The following C11orf65 variants were observed in gnomAD, a reference collection of about 807,000 sequenced individuals.
C11orf65 encodes the protein protein MFI.
C11orf65 carries 38 observed loss-of-function variants against 35.3 expected under a neutral mutation model. The ratio of observed to expected loss-of-function variants is 1.08; its 90% CI spans 0.83 to 1.41. C11orf65 has a LOEUF of 1.41. C11orf65 is among the 40% of genes most tolerant of loss of function. The pLI, the probability that C11orf65 is intolerant of heterozygous loss-of-function variation, is 0.00. For missense variants in C11orf65, 370 were observed against 367.1 expected (o/e 1.01, Z -0.06); for synonymous variants, 105 against 114.4 (o/e 0.92, Z 0.53).
intron 3 of C11orf65, among the ~76,000 whole-genome samples, chr11:108,415,458 G>C (rs983972557): frequency 2.6e-5 from 4 of 152,136 alleles, no homozygotes; most frequent in Non-Finnish European, 4.4e-5. Flanking sequence ...AATCAAAGAA[G>C]ATTTAAATGA....
At chr11:108,443,783 C>T (rs902554275) in intron 2 of C11orf65, among the ~76,000 whole-genome samples, 1 of 152,100 alleles carries the variant, frequency 6.6e-6, no homozygotes, top group Non-Finnish European at 1.5e-5. Context: ...AGAACAAAGA[C>T]ACAACATACC....
At position 108,347,352 on chromosome 11, in the gene C11orf65, A is replaced by T. The variant is rs1377662728; in HGVS notation, c.227-12060T>A. On this transcript the variant is annotated intron_variant, in intron 2 of 3. Transcript: ENST00000524755. ...TAAATGAGCAGTCAGCAGAACTTGT[A>T]CATATAGATCTAGGTAAGTAATAAA... 6.2e-7 allele frequency: 1 copy of T among 1,601,508 alleles called. No individual in the cohort carries two copies. Among genetic ancestry groups the T allele is most frequent in the Non-Finnish European group, 8.6e-7 (1 of 1,168,860 alleles).
At position 108,321,339 on chromosome 11, in the gene C11orf65, A is replaced by G. The variant is rs1591107186; in HGVS notation, c.641-12268T>C. On this transcript the variant is annotated intron_variant, in intron 6 of 6. Transcript: ENST00000525729. ...GAAGAGATGTGTAAGCGCAGCCTTG[A>G]GTCTGTGTATTCGCTCTATCCCACA... 6.2e-7 allele frequency: 1 copy of G among 1,614,130 alleles called. No individual in the cohort carries two copies.
chr11:108,467,434 ACGCGC>A (rs1274092341), intron 1 of C11orf65, 32 bp downstream of exon 1: 2 of 152,272 alleles, frequency 1.3e-5, no homozygotes, highest in African/African-American at 2.4e-5. Flanking sequence ...GAACAGTAGT[ACGCGC>A]TGAGAGAAGG....
At chr11:108,406,435 C>A (rs898784281) in intron 5 of C11orf65, among the ~76,000 whole-genome samples, 7 of 152,136 alleles carry the variant, frequency 4.6e-5, no homozygotes, top group African/African-American at 1.7e-4. Context: ...GCCACAGAGC[C>A]TGGTCATACT....
At chr11:108,385,140 C>G (rs568171122) in intron 8 of C11orf65, among the ~76,000 whole-genome samples, 39 of 152,196 alleles carry the variant, frequency 2.6e-4, no homozygotes, top group Admixed American at 5.9e-4. Context: ...GTGGTGCAAT[C>G]TTGGCTCACT....
At chr11:108,457,709 ATATT>A (rs1236646548) in intron 2 of C11orf65, among the ~76,000 whole-genome samples, 1 of 152,156 alleles carries the variant, frequency 6.6e-6, no homozygotes, top group Non-Finnish European at 1.5e-5. Flanking sequence ...ATGGGGTAAA[ATATT>A]TATTTTTCAT....
At chr11:108,327,546 A>G (rs1373142249), downstream of C11orf65, 1 of 984,656 alleles carries the variant, frequency 1.0e-6, no homozygotes, top group Non-Finnish European at 1.6e-6. Flanking sequence ...CCCACCAAGG[A>G]AAAACATTTT....
intron 2 of C11orf65, among the ~76,000 whole-genome samples, chr11:108,453,147 T>TAAAAAAAAAAGAAAAAAG (rs541723714): frequency 8.2e-6 from 1 of 122,376 alleles, no homozygotes; most frequent in African/African-American, 3.1e-5. Context: ...AAAGTATAAT[T>TAAAAAAAAAAGAAAAAAG]AAAAAAAAAA....
intron 1 of C11orf65, among the ~76,000 whole-genome samples, chr11:108,465,072 AGT>A (rs1246799081): frequency 2.0e-5 from 3 of 152,296 alleles, no homozygotes; most frequent in East Asian, 3.9e-4. Context: ...TTATCAATGT[AGT>A]GTGTGTGTTA....
rs1555166225 is a variant in C11orf65 at position 108,408,029 on chromosome 11, T to TTTA, written c.175-883_175-881dup. On this transcript the variant is annotated intron_variant, in intron 3 of 8. Transcript: ENST00000393084. ...TTATTATTATTATTATTATTATTAT[T>TTTA]TTATTATTACACTTTAAGTTTTAGG... 3.7e-3 allele frequency among the ~76,000 whole-genome samples: 533 copies of TTTA among 144,596 alleles called. 1 individual carries two copies. Among genetic ancestry groups the TTTA allele is most frequent in the African/African-American group, 0.013 (503 of 39,290 alleles). 94.9% of individuals were successfully genotyped at this position (144,596 alleles called of 152,430 possible).
intron 1 of C11orf65, 142 bp from the exon 2 acceptor site, chr11:108,461,710 C>T: frequency 2.0e-5 from 11 of 556,576 alleles, no homozygotes; most frequent in Non-Finnish European, 3.1e-5. Context: ...TCACTGTAGC[C>T]TCAAACTGCT....
At chr11:108,395,022 T>TG (rs1460982289) in intron 6 of C11orf65, among the ~76,000 whole-genome samples, 2 of 151,874 alleles carry the variant, frequency 1.3e-5, no homozygotes, top group East Asian at 3.9e-4. Context: ...TCCCAGCTAC[T>TG]GGGGAGGCGG....
chr11:108,335,054 C>A (rs879254209), intron 3 of C11orf65: 1 of 1,613,964 alleles, frequency 6.2e-7, no homozygotes, highest in Non-Finnish European at 8.5e-7. Flanking sequence ...GTAAATTTAC[C>A]AAAAATAATA....
At chr11:108,441,395 G>A (rs571572455) in intron 2 of C11orf65, among the ~76,000 whole-genome samples, 17 of 152,350 alleles carry the variant, frequency 1.1e-4, no homozygotes, top group African/African-American at 3.6e-4. Context: ...ACCTCTGGGG[G>A]CAGGGCATAG....
chr11:108,374,988 G>A (rs987777722), intron 2 of C11orf65, among the ~76,000 whole-genome samples: 58 of 152,170 alleles, frequency 3.8e-4, no homozygotes, highest in Middle Eastern at 3.2e-3. Context: ...GGGACTATGT[G>A]AAAAGACCAA....
chr11:108,445,862 T>C (rs2093246906), intron 2 of C11orf65, among the ~76,000 whole-genome samples: 1 of 151,880 alleles, frequency 6.6e-6, no homozygotes. Context: ...GCAAAGAAGT[T>C]AAAAACTTTG....
chr11:108,372,438 C>T (rs2091598288), intron 2 of C11orf65, among the ~76,000 whole-genome samples: 1 of 152,218 alleles, frequency 6.6e-6, no homozygotes, highest in African/African-American at 2.4e-5. Context: ...AGTGATATGC[C>T]CGCCTCAGCA....
chr11:108,393,365 T>G lies in C11orf65; in HGVS notation c.574A>C (p.Ser192Arg). ...TGATGTGTTGACTTAGCCTCCAGACTTCCTGAGTAGTACCTAAATAGGCAA... is the reference window on the plus strand; with the variant it reads ...TGATGTGTTGACTTAGCCTCCAGACGTCCTGAGTAGTACCTAAATAGGCAA... ...EWMRQMYYSG[S>R]LEAKSTHHET... The change falls in exon 7 of 9, where the codon AGT (serine) becomes CGT (arginine). Residue 192 changes from serine to arginine, a missense_variant. Transcript: ENST00000393084. The G allele has an allele frequency of 6.2e-7, 1 of 1,613,896 alleles. No homozygotes were observed. The highest frequency in any genetic ancestry group is 8.5e-7 in the Non-Finnish European group (1 of 1,179,842).
Sources: allele counts gnomAD v4.1 joint callset (sites outside exome capture counted in the v4.1 genomes callset), GRCh38; gene constraint gnomAD v4.1.1; transcripts MANE v1.5; gene names NCBI Gene and HGNC (gene_info 2026-07-23, HGNC 2026-07-21).